FAM186A: variants seen among roughly 807,000 people sequenced by gnomAD.
FAM186A encodes protein FAM186A.
Under a neutral mutation model 216.8 loss-of-function variants are expected in FAM186A, and 163 were observed. The observed-to-expected ratio is 0.75, with a 90% CI of 0.66 to 0.86. FAM186A has a LOEUF of 0.86. Ranked by LOEUF, FAM186A falls within the 40% of genes least tolerant of loss-of-function variation. The probability of loss-of-function intolerance (pLI) is 0.00; values close to 1 mark genes in which losing one functional copy is unlikely to be tolerated. For synonymous variants in FAM186A, 805 were observed against 1,025.3 expected (o/e 0.79, Z 4.10); for missense variants, 2,184 against 2,746.2 (o/e 0.80, Z 4.58).
intron 1 of FAM186A, among the ~76,000 whole-genome samples, chr12:50,368,102 G>A (rs534433931): frequency 2.2e-4 from 33 of 151,652 alleles, no homozygotes; most frequent in South Asian, 1.0e-3. Flanking sequence ...CTGAGATCAC[G>A]CCACTACACT....
At chr12:50,373,586 C>T (rs1592626718) in intron 1 of FAM186A, among the ~76,000 whole-genome samples, 2 of 152,078 alleles carry the variant, frequency 1.3e-5, no homozygotes, top group Non-Finnish European at 2.9e-5. Flanking sequence ...ACAAAAAATG[C>T]TTCATAAGAT....
At chr12:50,342,461 T>C (rs1276901122) in intron 4 of FAM186A, among the ~76,000 whole-genome samples, 1 of 151,360 alleles carries the variant, frequency 6.6e-6, no homozygotes, top group Non-Finnish European at 1.5e-5. Context: ...TTTTATTTTT[T>C]ATTTTATTTT....
intron 1 of FAM186A, among the ~76,000 whole-genome samples, chr12:50,391,660 G>A (rs1487929068): frequency 2.0e-5 from 3 of 152,056 alleles, no homozygotes; most frequent in Admixed American, 2.0e-4. Flanking sequence ...ACCTAGGCTG[G>A]AGTGCAGTGG....
chr12:50,395,825 A>C (rs2136110378), intron 1 of FAM186A, among the ~76,000 whole-genome samples: 1 of 151,934 alleles, frequency 6.6e-6, no homozygotes, highest in East Asian at 1.9e-4. Flanking sequence ...GCAATGGTGC[A>C]ATCTTGGCTC....
chr12:50,369,872 C>A (rs1341373079), intron 1 of FAM186A, among the ~76,000 whole-genome samples: 1 of 151,870 alleles, frequency 6.6e-6, no homozygotes, highest in African/African-American at 2.4e-5. Flanking sequence ...CGCCTGTAAT[C>A]CCAGCACTTT....
rs966789335 is a variant in FAM186A, at chr12:50,350,612, C to A, written c.6220G>T (p.Asp2074Tyr). 1 of 1,551,402 alleles carries A rather than the reference C, an allele frequency of 6.4e-7. No homozygotes were observed. Among genetic ancestry groups the A allele is most frequent in the African/African-American group, 1.4e-5 (1 of 72,990 alleles). The change falls in exon 4 of 8, where the codon GAC (aspartate) becomes TAC (tyrosine). Residue 2074 changes from aspartate to tyrosine, a missense_variant. Physicochemically the swap from Asp to Tyr is radical, Grantham distance 160 (BLOSUM62 -3). This residue lies in a region of FAM186A where 721 missense variants were observed against 816.4 expected (regional missense o/e 0.88). Coordinates refer to ENST00000327337, the MANE Select transcript of FAM186A (RefSeq NM_001145475.3). ...WYQKSRFPPIDKPWILSSVSD... is the reference protein window; with the variant it reads ...WYQKSRFPPIYKPWILSSVSD... Reference sequence around the variant, plus strand: ...ACTGAACTCAGTATCCAGGGCTTGTCTATAGGAGGGAATCGGGATTTCTGG... The same window carrying A: ...ACTGAACTCAGTATCCAGGGCTTGTATATAGGAGGGAATCGGGATTTCTGG...
chr12:50,368,426 T>A (rs1394612315), intron 1 of FAM186A, among the ~76,000 whole-genome samples: 1 of 151,548 alleles, frequency 6.6e-6, no homozygotes, highest in African/African-American at 2.4e-5. Context: ...ATATTTTAAA[T>A]AATAATAATA....
At chr12:50,381,518 T>A (rs1187888640) in intron 1 of FAM186A, among the ~76,000 whole-genome samples, 1 of 151,950 alleles carries the variant, frequency 6.6e-6, no homozygotes, top group African/African-American at 2.4e-5. Flanking sequence ...CACTCCAGCC[T>A]GGACAACAGA....
In FAM186A at chr12:50,340,590, G is replaced by T. The variant is rs897163042; in HGVS notation, c.6504-6487C>A. Among the ~76,000 whole-genome samples the T allele has an allele frequency of 5.9e-5, 9 of 151,290 alleles. No individual in the cohort carries two copies. In the South Asian group the frequency reaches 6.3e-4, roughly 11 times the overall value. On this transcript the variant is annotated intron_variant, in intron 4 of 7. Transcript: ENST00000327337. Reference sequence around the variant, plus strand: ...CTGGGCATGATGGCACACACAGGTCGCTTCGGCCCAGGAGTTTGGCGTTAT... The same window carrying T: ...CTGGGCATGATGGCACACACAGGTCTCTTCGGCCCAGGAGTTTGGCGTTAT...
rs1943052458 is a variant in FAM186A, at chr12:50,363,140, C to T, written c.412+5G>A. On this transcript the variant is annotated splice_donor_5th_base_variant and intron_variant, in intron 2 of 7. Coordinates refer to ENST00000327337, the MANE Select transcript of FAM186A (RefSeq NM_001145475.3). Reference sequence around the variant, plus strand: ...TTTTCCTCTGAACCGCTTCTGTAAACTTACTCCATTCTTCCAACCAGGCCA... The same window carrying T: ...TTTTCCTCTGAACCGCTTCTGTAAATTTACTCCATTCTTCCAACCAGGCCA... 1.3e-6 allele frequency: 2 copies of T among 1,540,612 alleles called. No individual in the cohort carries two copies. Among genetic ancestry groups the T allele is most frequent in the South Asian group, 1.2e-5 (1 of 82,480 alleles).
At chr12:50,379,301 G>A (rs936033985) in intron 1 of FAM186A, among the ~76,000 whole-genome samples, 6 of 151,958 alleles carry the variant, frequency 3.9e-5, no homozygotes, top group Non-Finnish European at 8.8e-5. Context: ...TTAGCCGAAT[G>A]TGGTGGTGGG....
chr12:50,331,806 C>A lies in FAM186A; in HGVS notation c.6712G>T (p.Glu2238Ter), dbSNP rs770729541. 1.8e-5 allele frequency: 28 copies of A among 1,528,610 alleles called. No homozygotes were observed. Among genetic ancestry groups the A allele is most frequent in the Non-Finnish European group, 2.3e-5 (26 of 1,141,562 alleles). 94.7% of individuals were successfully genotyped at this position (1,528,610 alleles called of 1,614,324 possible). A position where few individuals can be genotyped will look rare whatever the true frequency, so the allele number is the denominator to read the frequency against. ...GGGATAGGTTGACTAAGATTCAATTCATGTATCTTTTTGAGCTATAAAAAA... is the reference window on the plus strand; with the variant it reads ...GGGATAGGTTGACTAAGATTCAATTAATGTATCTTTTTGAGCTATAAAAAA... The part of the protein sequence containing the change: ...HVFNQLKKIH[E>*]LNLSQPIPLI... Residue 2238 changes from glutamate to a stop codon, truncating the protein, a stop_gained, in exon 6 of 8, where the codon GAA (glutamate) becomes TAA (stop). Transcript: ENST00000327337. LOFTEE classifies it high-confidence loss of function.
rs1555218962 is a variant in FAM186A at position 50,383,278 on chromosome 12, A to AAAAAGAG, written c.192+13014_192+13015insCTCTTTT. On this transcript the variant is annotated intron_variant, in intron 1 of 7. Coordinates refer to ENST00000327337, the MANE Select transcript of FAM186A (RefSeq NM_001145475.3). The stretch of plus-strand genomic sequence containing the variant: ...AAAAAAAAAAAAAAAAAAAAAAAAA[A>AAAAAGAG]AGAGAGAGAGAGAGAGAAAGAAAAG... Among the ~76,000 whole-genome samples the AAAAAGAG allele has an allele frequency of 1.8e-4, 9 of 49,242 alleles. 2 individuals carry two copies. The highest frequency in any genetic ancestry group is 3.1e-4 in the Non-Finnish European group (7 of 22,808). The allele number at this position is 49,242 out of a possible 152,430, so 32.3% of individuals were successfully genotyped here.
intron 4 of FAM186A, among the ~76,000 whole-genome samples, chr12:50,336,894 C>CAT (rs1942713534): frequency 6.6e-6 from 1 of 150,688 alleles, no homozygotes; most frequent in African/African-American, 2.4e-5. Flanking sequence ...TATATACATG[C>CAT]GTATATATAT....
In FAM186A at chr12:50,360,820, G is replaced by C; in HGVS notation, c.519C>G (p.Val173=). The change falls in exon 3 of 8, where the codon GTC becomes GTG. Residue 173 remains valine, a synonymous_variant. Coordinates refer to ENST00000327337, the MANE Select transcript of FAM186A (RefSeq NM_001145475.3). ...ATGTACTAAATCTGCTTAGTATCTT[G>C]ACATTGTTCTCAATAGCTTTTAACG... ...PDTLKAIENN[V]KILSRFSTSF... 6.5e-7 allele frequency: 1 copy of C among 1,549,990 alleles called. No homozygotes were observed. Among genetic ancestry groups the C allele is most frequent in the Non-Finnish European group, 8.7e-7 (1 of 1,146,428 alleles).
intron 5 of FAM186A, among the ~76,000 whole-genome samples, chr12:50,333,049 T>TAATAA (rs1412690746): frequency 1.3e-5 from 2 of 151,666 alleles, no homozygotes; most frequent in East Asian, 3.9e-4. Context: ...AATAAATAAA[T>TAATAA]AATAAAATAA....
intron 6 of FAM186A, 150 bp downstream of exon 6, chr12:50,331,520 G>A: frequency 2.9e-6 from 2 of 690,186 alleles, no homozygotes; most frequent in Non-Finnish European, 4.5e-6. Flanking sequence ...GGGATTACAG[G>A]CATGAGCCAC....
At position 50,365,910 on chromosome 12, in the gene FAM186A, T is replaced by C. The variant is rs2136099015; in HGVS notation, c.193-2546A>G. 3 of 762,986 alleles carry C rather than the reference T, an allele frequency of 3.9e-6. No homozygotes were observed. In the South Asian group the frequency reaches 4.0e-5, roughly 10 times the overall value. 47.3% of individuals were successfully genotyped at this position (762,986 alleles called of 1,614,324 possible). Reference sequence around the variant, plus strand: ...TATTATCTACATTGAACGGGTGCAGTGGAAAAAGGCTAATGGCACAACTGT... The same window carrying C: ...TATTATCTACATTGAACGGGTGCAGCGGAAAAAGGCTAATGGCACAACTGT... On this transcript the variant is annotated intron_variant, in intron 1 of 7. Transcript: ENST00000327337.
intron 1 of FAM186A, among the ~76,000 whole-genome samples, chr12:50,378,309 T>C (rs1489976659): frequency 6.6e-6 from 1 of 151,212 alleles, no homozygotes; most frequent in Non-Finnish European, 1.5e-5. Flanking sequence ...GGTGGGTGGA[T>C]CACGAGGTCA....
Sources: allele counts gnomAD v4.1 joint callset (sites outside exome capture counted in the v4.1 genomes callset), GRCh38; gene constraint gnomAD v4.1.1; regional missense constraint gnomAD v4.1.1; transcripts MANE v1.5; gene names NCBI Gene and HGNC (gene_info 2026-07-23, HGNC 2026-07-21).